The following RMDN2 variants were observed in gnomAD, a reference collection of about 807,000 sequenced individuals.
RMDN2 encodes regulator of microtubule dynamics protein 2.
A neutral mutation model predicts 52.8 loss-of-function variants in RMDN2; 61 were observed. The observed-to-expected ratio is 1.16, with a 90% CI of 0.94 to 1.43. The LOEUF is 1.43. Ranked by LOEUF, RMDN2 falls within the 40% of genes most tolerant of loss-of-function variation. The pLI is 0.00. For synonymous variants in RMDN2, 180 were observed against 153.1 expected, an observed-to-expected ratio of 1.18 and a Z score of -1.30; for missense variants, 592 against 475.3, an observed-to-expected ratio of 1.25 and a Z score of -2.28.
downstream of RMDN2, chr2:38,017,834 G>T (rs974613145): frequency 9.7e-6 from 2 of 206,906 alleles, no homozygotes; most frequent in African/African-American, 4.8e-5. Context: ...GGCAGACTGA[G>T]TCCGAAAAGA....
chr2:37,997,317 C>T, intron 7 of RMDN2, 99 bp from the exon 8 acceptor site: 1 of 758,182 alleles, frequency 1.3e-6, no homozygotes, highest in Non-Finnish European at 2.4e-6. Flanking sequence ...TACACACACA[C>T]ACGTATATAC....
chr2:37,940,598 C>G (rs1211561084), intron 2 of RMDN2, among the ~76,000 whole-genome samples: 1 of 151,954 alleles, frequency 6.6e-6, no homozygotes, highest in Admixed American at 6.6e-5. Flanking sequence ...TTCTTTTTTT[C>G]TCTAATCTTG....
At chr2:38,054,748 C>G (rs994764781) in intron 10 of RMDN2, among the ~76,000 whole-genome samples, 1 of 152,164 alleles carries the variant, frequency 6.6e-6, no homozygotes, top group Non-Finnish European at 1.5e-5. Flanking sequence ...AGGAACATTT[C>G]TGCCATGATT....
At chr2:38,045,536 A>T (rs1469778761) in intron 10 of RMDN2, among the ~76,000 whole-genome samples, 1 of 152,220 alleles carries the variant, frequency 6.6e-6, no homozygotes, top group African/African-American at 2.4e-5. Context: ...GAGCTTTAGA[A>T]ATCCTCTTCC....
chr2:38,042,250 T>C (rs1680999346), intron 10 of RMDN2, among the ~76,000 whole-genome samples: 1 of 152,162 alleles, frequency 6.6e-6, no homozygotes, highest in African/African-American at 2.4e-5. Flanking sequence ...ATTTATACTC[T>C]TTCTTTATTG....
chr2:38,033,160 A>G (rs1420476732), intron 10 of RMDN2: 2 of 152,216 alleles, frequency 1.3e-5, no homozygotes, highest in African/African-American at 4.8e-5. Flanking sequence ...AGTGACGTCA[A>G]GCATCCTTTC....
intron 7 of RMDN2, among the ~76,000 whole-genome samples, chr2:37,992,297 C>CA (rs989251485): frequency 2.0e-5 from 3 of 152,108 alleles, no homozygotes; most frequent in African/African-American, 7.2e-5. Context: ...AGAAAACTTA[C>CA]ATTTTGTTAA....
chr2:37,982,068 T>A (rs902773785), intron 5 of RMDN2, among the ~76,000 whole-genome samples: 1 of 152,140 alleles, frequency 6.6e-6, no homozygotes, highest in African/African-American at 2.4e-5. Context: ...TATGACCCTT[T>A]CTTCAGCCCT....
intron 2 of RMDN2, among the ~76,000 whole-genome samples, chr2:37,961,738 AAGG>A (rs1670269583): frequency 6.6e-6 from 1 of 152,002 alleles, no homozygotes; most frequent in Non-Finnish European, 1.5e-5. Context: ...CCTTGCTGGC[AAGG>A]AGTTGTGATC....
At chr2:37,975,988 C>G (rs7562903) in intron 4 of RMDN2, among the ~76,000 whole-genome samples, 1 of 152,166 alleles carries the variant, frequency 6.6e-6, no homozygotes, top group Non-Finnish European at 1.5e-5. Context: ...GGACAAGTGT[C>G]TTCAGCAGTT....
upstream of RMDN2, among the ~76,000 whole-genome samples, chr2:37,924,988 C>A (rs1020796000): frequency 6.6e-6 from 1 of 152,182 alleles, no homozygotes; most frequent in African/African-American, 2.4e-5. Context: ...GGTTTGAGAG[C>A]CGGAACGAAG....
At chr2:38,046,956 C>G (rs1681311584) in intron 10 of RMDN2, among the ~76,000 whole-genome samples, 1 of 151,858 alleles carries the variant, frequency 6.6e-6, no homozygotes, top group African/African-American at 2.4e-5. Context: ...GCACTCCAGC[C>G]TGGGCGACAG....
chr2:37,944,729 C>T (rs1396481388), intron 2 of RMDN2, among the ~76,000 whole-genome samples: 2 of 152,128 alleles, frequency 1.3e-5, no homozygotes, highest in Non-Finnish European at 2.9e-5. Context: ...GAAGAGTAGA[C>T]ACTTATTTCA....
chr2:37,951,900 A>C, intron 2 of RMDN2: 1 of 1,612,550 alleles, frequency 6.2e-7, no homozygotes, highest in Non-Finnish European at 8.5e-7. Flanking sequence ...CGATCAACAA[A>C]ATGGAATTGC....
At chr2:37,982,305 ACT>A (rs2125103714) in intron 5 of RMDN2, among the ~76,000 whole-genome samples, 1 of 152,202 alleles carries the variant, frequency 6.6e-6, no homozygotes, top group African/African-American at 2.4e-5. Context: ...CCACTCACAA[ACT>A]CTCACTTAAA....
intron 10 of RMDN2, among the ~76,000 whole-genome samples, chr2:38,062,487 G>C (rs1171803893): frequency 6.6e-6 from 1 of 152,138 alleles, no homozygotes; most frequent in Non-Finnish European, 1.5e-5. Flanking sequence ...AGGAAATTTA[G>C]GTTGTTTTCA....
At chr2:37,937,770 C>T (rs1171333624) in intron 2 of RMDN2, among the ~76,000 whole-genome samples, 3 of 152,182 alleles carry the variant, frequency 2.0e-5, no homozygotes, top group Non-Finnish European at 4.4e-5. Context: ...AGTTGCTTAT[C>T]AGCTTAAGGA....
At chr2:37,977,734 C>A (rs1267079678) in intron 4 of RMDN2, among the ~76,000 whole-genome samples, 1 of 150,072 alleles carries the variant, frequency 6.7e-6, no homozygotes, top group East Asian at 2.0e-4. Context: ...GGCGGCGGGG[C>A]AGAGGCGCTC....
chr2:38,028,899 G>A (rs1222225931), intron 10 of RMDN2, among the ~76,000 whole-genome samples: 1 of 152,136 alleles, frequency 6.6e-6, no homozygotes, highest in African/African-American at 2.4e-5. Context: ...TGATGCGGAG[G>A]TTGGAAATTG....
Sources: gnomAD v4.1 joint callset for allele counts (sites outside exome capture counted in the v4.1 genomes callset) on GRCh38, gnomAD v4.1.1 for gene constraint, MANE v1.5 for transcripts, NCBI Gene and HGNC (gene_info 2026-07-23, HGNC 2026-07-21) for gene names.